CNTRL: variants seen among roughly 807,000 people sequenced by gnomAD.
The protein encoded by CNTRL is centriolin, also known as 110 kDa centrosomal protein.
Under a neutral mutation model 303.7 loss-of-function variants are expected in CNTRL, and 233 were observed. The ratio of observed to expected loss-of-function variants is 0.77; its 90% confidence interval spans 0.69 to 0.86. CNTRL has a LOEUF of 0.86. Among genes scored for constraint, CNTRL ranks in the 40% least tolerant of loss-of-function variants. CNTRL has a pLI of 0.00. For synonymous variants in CNTRL, 900 were observed against 922.2 expected, an observed-to-expected ratio of 0.98 and a Z score of 0.44; for missense variants, 2,524 against 2,650.6, an observed-to-expected ratio of 0.95 and a Z score of 1.05.
chr9:121,100,947 A>G (rs1431967698), intron 7 of CNTRL, among the ~76,000 whole-genome samples: 8 of 152,224 alleles, frequency 5.3e-5, no homozygotes, highest in African/African-American at 1.9e-4. Context: ...TTAGACTCCC[A>G]CACAATAATA....
At position 121,175,079 on chromosome 9, in the gene CNTRL, C is replaced by G. The variant is rs780917325; in HGVS notation, c.6809C>G (p.Thr2270Arg). Residue 2270 changes from threonine to arginine, a missense_variant, in exon 43 of 44, where the codon ACA becomes AGA. Transcript: ENST00000373855. ...GTATTAATTAAAGGAAAGCGGCAGA[C>G]AGAGGGCACTTTACACAGTTTGAGG... ...AEVLIKGKRQ[T>R]EGTLHSLRRQ... is the part of the protein sequence containing the mutation. 1 of 1,613,926 alleles carries G rather than the reference C, an allele frequency of 6.2e-7. No homozygotes were observed. Among genetic ancestry groups the G allele is most frequent in the African/African-American group, 1.3e-5 (1 of 74,956 alleles).
intron 3 of CNTRL, among the ~76,000 whole-genome samples, chr9:121,090,027 TATACA>T (rs1269750584): frequency 1.3e-5 from 2 of 149,838 alleles, no homozygotes; most frequent in African/African-American, 2.5e-5. Flanking sequence ...TTAATTGTAA[TATACA>T]ATACATTATA....
At chr9:121,155,498 C>T (rs1335806687) in intron 27 of CNTRL, among the ~76,000 whole-genome samples, 2 of 152,158 alleles carry the variant, frequency 1.3e-5, no homozygotes, top group African/African-American at 4.8e-5. Context: ...TCTCCTGCCT[C>T]AGCCTCCTGA....
chr9:121,138,756 C>T, intron 16 of CNTRL, 77 bp downstream of exon 16: 1 of 1,472,404 alleles, frequency 6.8e-7, no homozygotes, highest in Non-Finnish European at 9.3e-7. Context: ...AGGCACTTAG[C>T]AACCTGCTCT....
At chr9:121,118,246 C>G in intron 11 of CNTRL, 100 bp from the exon 12 acceptor site, 1 of 953,068 alleles carries the variant, frequency 1.0e-6, no homozygotes, top group Non-Finnish European at 1.4e-6. Context: ...TTTTAAAAAA[C>G]TGATAGAATA....
In CNTRL at chr9:121,079,712, A is replaced by G. The variant is rs148545688; in HGVS notation, c.-204-594A>G. ...GGCTATTGGAATGGGGCATTTGGCT[A>G]TATTGTAATGTATGTGAAATAATAA... On this transcript the variant is annotated intron_variant, in intron 1 of 43. Coordinates refer to ENST00000373855, the MANE Select transcript of CNTRL (RefSeq NM_007018.6). Among the ~76,000 whole-genome samples the G allele has an allele frequency of 7.6e-3, 1,165 of 152,304 alleles. 14 individuals are homozygous for G. The highest frequency in any genetic ancestry group is 0.011 in the Non-Finnish European group (758 of 68,018).
intron 14 of CNTRL, among the ~76,000 whole-genome samples, chr9:121,126,798 T>C (rs1485083681): frequency 6.6e-6 from 1 of 150,664 alleles, no homozygotes; most frequent in Non-Finnish European, 1.5e-5. Context: ...TCTTTCTTCC[T>C]TCATGTTTAT....
At chr9:121,092,099 A>G (rs1281756496) in intron 4 of CNTRL, among the ~76,000 whole-genome samples, 1 of 146,784 alleles carries the variant, frequency 6.8e-6, no homozygotes, top group African/African-American at 2.5e-5. Context: ...AAATATATAC[A>G]TATTTTATAG....
chr9:121,125,478 C>T (rs746535660), intron 13 of CNTRL, among the ~76,000 whole-genome samples: 14 of 152,102 alleles, frequency 9.2e-5, no homozygotes, highest in Admixed American at 2.0e-4. Flanking sequence ...CTTTTTACAG[C>T]ATGAATCAGG....
Position 121,088,442 on chromosome 9 carries a change from T to G in CNTRL, c.116T>G (p.Ile39Ser), listed in dbSNP as rs1218588086. Residue 39 changes from isoleucine (I) to serine (S), a missense_variant, in exon 3 of 44, where the codon ATT becomes AGT. Transcript: ENST00000373855. ...AGATCTAGGTCACTTTCACCTTTGA[T>G]TGGATCAGAGACTCTACCTTTTCAT... ...NMRSRSLSPL[I>S]GSETLPFHSG... 6.2e-7 allele frequency: 1 copy of G among 1,612,558 alleles called. No homozygotes were observed. Among genetic ancestry groups the G allele is most frequent in the South Asian group, 1.1e-5 (1 of 91,030 alleles).
intron 2 of CNTRL, among the ~76,000 whole-genome samples, chr9:121,085,255 G>C (rs993981539): frequency 6.6e-6 from 1 of 152,226 alleles, no homozygotes; most frequent in Non-Finnish European, 1.5e-5. Context: ...GTGGGAGTTA[G>C]TGACTGGAAG....
chr9:121,124,145 A>C, intron 13 of CNTRL, 61 bp downstream of exon 13: 1 of 1,402,234 alleles, frequency 7.1e-7, no homozygotes, highest in Non-Finnish European at 9.7e-7. Context: ...GAAACATTAT[A>C]AAGACAAGCA....
chr9:121,080,740 A>T (rs2048105803), intron 2 of CNTRL, among the ~76,000 whole-genome samples: 1 of 152,186 alleles, frequency 6.6e-6, no homozygotes, highest in African/African-American at 2.4e-5. Context: ...ATATTAATAG[A>T]TTATATTAGT....
At chr9:121,136,010 A>G in intron 15 of CNTRL, 28 bp downstream of exon 15, 3 of 1,556,408 alleles carry the variant, frequency 1.9e-6, no homozygotes, top group Non-Finnish European at 8.7e-7. Flanking sequence ...GCCAACTGCA[A>G]ACTAAGGACC....
chr9:121,093,076 G>A (rs2048737212), intron 4 of CNTRL, among the ~76,000 whole-genome samples: 2 of 151,320 alleles, frequency 1.3e-5, no homozygotes, highest in Admixed American at 1.3e-4. Context: ...CAAAGTGTTG[G>A]GATTACAGGC....
chr9:121,106,322 G>T (rs908333165), intron 7 of CNTRL, among the ~76,000 whole-genome samples: 1 of 130,220 alleles, frequency 7.7e-6, no homozygotes, highest in African/African-American at 2.9e-5. Flanking sequence ...CTGGGCGACA[G>T]AGCGAGACTC....
chr9:121,138,438 C>A, intron 15 of CNTRL, 107 bp from the exon 16 acceptor site: 1 of 1,160,674 alleles, frequency 8.6e-7, no homozygotes, highest in Non-Finnish European at 1.2e-6. Context: ...AGTTGTAAAA[C>A]TATAGCTAGC....
chr9:121,161,554 A>G, intron 32 of CNTRL: 1 of 347,758 alleles, frequency 2.9e-6, no homozygotes, highest in Non-Finnish European at 5.2e-6. Flanking sequence ...TGCTCTGTCA[A>G]CCAGGCTAGT....
Position 121,166,193 on chromosome 9 carries a change from A to G in CNTRL, c.5655+13A>G. On this transcript the variant is annotated intron_variant, in intron 36 of 43. Coordinates refer to ENST00000373855, the MANE Select transcript of CNTRL (RefSeq NM_007018.6). ...CCTAGCAAAACAGGTAAGGTTAACAAATGTAATATTCTAGTAGTATACTGA... is the reference window on the plus strand; with the variant it reads ...CCTAGCAAAACAGGTAAGGTTAACAGATGTAATATTCTAGTAGTATACTGA... 6.3e-7 allele frequency: 1 copy of G among 1,591,206 alleles called. No individual in the cohort carries two copies. The highest frequency in any genetic ancestry group is 8.6e-7 in the Non-Finnish European group (1 of 1,162,216).
Sources: allele counts gnomAD v4.1 joint callset (sites outside exome capture counted in the v4.1 genomes callset), GRCh38; gene constraint gnomAD v4.1.1; transcripts MANE v1.5; gene names NCBI Gene and HGNC (gene_info 2026-07-23, HGNC 2026-07-21).